The following HEMK2 variants were observed in gnomAD, a reference collection of about 807,000 sequenced individuals.
HEMK2 encodes the protein HemK methyltransferase 2, ETF1 glutamine and histone H4 lysine.
chr21:28,805,488 A>C, the HEMK2 span, among the ~76,000 whole-genome samples: 1 of 152,222 alleles, frequency 6.6e-6, no homozygotes, highest in Non-Finnish European at 1.5e-5. Context: ...GATTGAAACC[A>C]AAATGTTTGG....
At chr21:28,669,751 C>T in the HEMK2 span, among the ~76,000 whole-genome samples, 2 of 152,146 alleles carry the variant, frequency 1.3e-5, no homozygotes, top group African/African-American at 4.8e-5. Context: ...ATATGAAATC[C>T]ATACACATGA....
At chr21:28,712,718 T>C in the HEMK2 span, among the ~76,000 whole-genome samples, 2 of 152,164 alleles carry the variant, frequency 1.3e-5, no homozygotes, top group African/African-American at 4.8e-5. Flanking sequence ...TCCATAGACA[T>C]TGGGGAAGAG....
the HEMK2 span, among the ~76,000 whole-genome samples, chr21:28,769,085 G>A: frequency 6.6e-6 from 1 of 151,954 alleles, no homozygotes; most frequent in East Asian, 1.9e-4. Flanking sequence ...TTTTGTTATA[G>A]CAGCCCTGGC....
chr21:28,683,025 T>C, the HEMK2 span, among the ~76,000 whole-genome samples: 2 of 151,852 alleles, frequency 1.3e-5, no homozygotes, highest in Admixed American at 6.6e-5. Flanking sequence ...GTGCACGTTG[T>C]GCACATGTAC....
chr21:28,790,820 TG>T, the HEMK2 span, among the ~76,000 whole-genome samples: 1 of 113,294 alleles, frequency 8.8e-6, no homozygotes, highest in Non-Finnish European at 1.7e-5. Context: ...CATCACACTC[TG>T]GGGACTGTTG....
the HEMK2 span, chr21:28,882,207 T>A: frequency 6.2e-7 from 1 of 1,604,540 alleles, no homozygotes; most frequent in Admixed American, 1.7e-5. Flanking sequence ...CAGCGTGCTG[T>A]CTCTAGGGTA....
the HEMK2 span, among the ~76,000 whole-genome samples, chr21:28,707,661 TC>T: frequency 6.6e-6 from 1 of 152,274 alleles, no homozygotes; most frequent in African/African-American, 2.4e-5. Flanking sequence ...GTTAAAATGC[TC>T]TTCTCAATAA....
At chr21:28,776,518 G>A in the HEMK2 span, among the ~76,000 whole-genome samples, 1 of 152,178 alleles carries the variant, frequency 6.6e-6, no homozygotes, top group South Asian at 2.1e-4. Context: ...AGAGGAACAG[G>A]ACTAATAGCA....
At chr21:28,826,216 A>G in the HEMK2 span, among the ~76,000 whole-genome samples, 1 of 152,184 alleles carries the variant, frequency 6.6e-6, no homozygotes, top group African/African-American at 2.4e-5. Context: ...CATCACACAC[A>G]CTTAAGATCT....
chr21:28,877,284 GGAAGGAAGGAAGGA>G, the HEMK2 span, among the ~76,000 whole-genome samples: 764 of 132,288 alleles, frequency 5.8e-3, 4 homozygotes, highest in African/African-American at 0.016. Flanking sequence ...AAGGAAGGAA[GGAAGGAAGGAAGGA>G]AGAGAGAGAG....
At chr21:28,682,439 T>C in the HEMK2 span, among the ~76,000 whole-genome samples, 2 of 150,216 alleles carry the variant, frequency 1.3e-5, no homozygotes, top group Non-Finnish European at 3.0e-5. Context: ...TAGGAACACT[T>C]TTACACTGTT....
chr21:28,613,280 G>A, the HEMK2 span, among the ~76,000 whole-genome samples: 1 of 151,896 alleles, frequency 6.6e-6, no homozygotes, highest in Non-Finnish European at 1.5e-5. Context: ...ACACATGATC[G>A]GGGTGACTTC....
At chr21:28,583,787 T>C in the HEMK2 span, among the ~76,000 whole-genome samples, 1 of 152,222 alleles carries the variant, frequency 6.6e-6, no homozygotes, top group East Asian at 1.9e-4. Flanking sequence ...AACTGCTATT[T>C]TATGCTCAAG....
chr21:28,836,106 A>G, the HEMK2 span, among the ~76,000 whole-genome samples: 1 of 152,214 alleles, frequency 6.6e-6, no homozygotes, highest in Admixed American at 6.5e-5. Context: ...TGCTAGAGAC[A>G]TAGACATGTA....
chr21:28,634,597 A>C, the HEMK2 span, among the ~76,000 whole-genome samples: 1 of 152,276 alleles, frequency 6.6e-6, no homozygotes, highest in Middle Eastern at 3.4e-3. Context: ...TGTACTCTCT[A>C]CTGAAAGACA....
At chr21:28,623,509 A>G in the HEMK2 span, among the ~76,000 whole-genome samples, 1 of 152,212 alleles carries the variant, frequency 6.6e-6, no homozygotes, top group Non-Finnish European at 1.5e-5. Flanking sequence ...ATTGCAAACC[A>G]TTCTACTACA....
the HEMK2 span, among the ~76,000 whole-genome samples, chr21:28,616,544 A>AGCAT: frequency 6.6e-6 from 1 of 152,144 alleles, no homozygotes; most frequent in Non-Finnish European, 1.5e-5. Flanking sequence ...TTACCTGCAA[A>AGCAT]ATTCTCTCTA....
At chr21:28,831,471 G>GAA in the HEMK2 span, among the ~76,000 whole-genome samples, 2 of 28,816 alleles carry the variant, frequency 6.9e-5, no homozygotes, top group Admixed American at 4.6e-4. Context: ...ACGAAAGAAA[G>GAA]AAAGAAAGAA....
At chr21:28,593,477 G>A in the HEMK2 span, among the ~76,000 whole-genome samples, 1 of 152,148 alleles carries the variant, frequency 6.6e-6, no homozygotes, top group Non-Finnish European at 1.5e-5. Context: ...GCAATGAGTA[G>A]ACCCAGATCC....
Sources: allele counts gnomAD v4.1 joint callset (sites outside exome capture counted in the v4.1 genomes callset), GRCh38; gene constraint gnomAD v4.1.1; transcripts MANE v1.5; gene names NCBI Gene and HGNC (gene_info 2026-07-23, HGNC 2026-07-21).